The following COX7A2L variants were observed in gnomAD, a reference collection of about 807,000 sequenced individuals.
COX7A2L encodes the protein cytochrome c oxidase subunit 7A2-like, mitochondrial.
In COX7A2L, 18 loss-of-function variants were observed where a neutral mutation model predicts 14.2. That is an observed-to-expected ratio of 1.27 (90% CI 0.88 to 1.88). COX7A2L has a LOEUF of 1.88. COX7A2L is among the 40% of genes most tolerant of loss of function. COX7A2L has a pLI of 0.00. For synonymous variants in COX7A2L, 65 were observed against 57.4 expected (o/e 1.13, Z -0.60); for missense variants, 179 against 138.8 (o/e 1.29, Z -1.46).
upstream of COX7A2L, chr2:42,361,358 G>GA (rs1471188307): frequency 1.8e-6 from 1 of 560,948 alleles, no homozygotes; most frequent in East Asian, 3.2e-5. Context: ...TCAGGACCAC[G>GA]AAAGGCAAAA....
intron 2 of COX7A2L, among the ~76,000 whole-genome samples, chr2:42,343,814 G>A (rs1428913096): frequency 6.6e-6 from 1 of 152,210 alleles, no homozygotes; most frequent in Non-Finnish European, 1.5e-5. Flanking sequence ...AGGGGAGCCT[G>A]CCCAAAGCCA....
chr2:42,357,628 G>A (rs934511935), intron 1 of COX7A2L, among the ~76,000 whole-genome samples: 3 of 151,866 alleles, frequency 2.0e-5, no homozygotes, highest in Non-Finnish European at 4.4e-5. Flanking sequence ...TATTTCTAAC[G>A]GTAAGCTAGA....
chr2:42,348,261 A>G (rs1000016509), downstream of COX7A2L, among the ~76,000 whole-genome samples: 24 of 152,240 alleles, frequency 1.6e-4, no homozygotes, highest in African/African-American at 5.8e-4. Flanking sequence ...GTCAAGAATG[A>G]CCAATGAACA....
chr2:42,347,244 G>A (rs7558151), downstream of COX7A2L, among the ~76,000 whole-genome samples: 146 of 149,334 alleles, frequency 9.8e-4, 1 homozygote, highest in African/African-American at 3.4e-3. Context: ...AATATTTTAT[G>A]TAGACAAAGG....
intron 2 of COX7A2L, among the ~76,000 whole-genome samples, chr2:42,336,011 C>T (rs1458348183): frequency 6.6e-6 from 1 of 152,218 alleles, no homozygotes; most frequent in Non-Finnish European, 1.5e-5. Flanking sequence ...GCACAGAAGT[C>T]CTCAGTCCCT....
chr2:42,358,058 A>G (rs1044626322), intron 1 of COX7A2L, among the ~76,000 whole-genome samples: 6 of 152,188 alleles, frequency 3.9e-5, no homozygotes, highest in Non-Finnish European at 1.5e-5. Flanking sequence ...CTTTTTTAAC[A>G]AACTGCCAAA....
chr2:42,344,777 G>A (rs1328927526), downstream of COX7A2L, among the ~76,000 whole-genome samples: 1 of 152,022 alleles, frequency 6.6e-6, no homozygotes, highest in South Asian at 2.1e-4. Flanking sequence ...CGTGAACCCA[G>A]GAGGCGGAGC....
chr2:42,345,484 A>AAAAC (rs1553400725), downstream of COX7A2L, among the ~76,000 whole-genome samples: 1 of 151,794 alleles, frequency 6.6e-6, no homozygotes, highest in Non-Finnish European at 1.5e-5. Flanking sequence ...AAAAAAAAAA[A>AAAAC]CTGTCAGTCA....
intron 1 of COX7A2L, chr2:42,359,335 G>A (rs1477944951): frequency 6.6e-6 from 1 of 152,198 alleles, no homozygotes; most frequent in Non-Finnish European, 1.5e-5. Flanking sequence ...AAGGTGGCAG[G>A]GATTGACAGA....
upstream of COX7A2L, among the ~76,000 whole-genome samples, chr2:42,362,572 T>C (rs1293343740): frequency 6.6e-6 from 1 of 152,198 alleles, no homozygotes; most frequent in Admixed American, 6.5e-5. Flanking sequence ...CTTCCTACTG[T>C]TAAGCACTAT....
chr2:42,346,338 G>A (rs193173624), downstream of COX7A2L, among the ~76,000 whole-genome samples: 86 of 152,288 alleles, frequency 5.6e-4, no homozygotes, highest in African/African-American at 1.9e-3. Context: ...GCCCAGCTTC[G>A]CTCAGGTTCT....
chr2:42,339,002 C>T lies in COX7A2L; in HGVS notation c.193-5133G>A, dbSNP rs533204781. Among the ~76,000 whole-genome samples the T allele has an allele frequency of 6.6e-6, 1 of 152,318 alleles. No individual in the cohort carries two copies. Among genetic ancestry groups the T allele is most frequent in the South Asian group, 2.1e-4 (1 of 4,826 alleles). On this transcript the variant is annotated intron_variant, in intron 2 of 2. Transcript: ENST00000468711. This position sits in a 1 kb window ranked among gnomAD's most constrained non-coding sequence, Gnocchi z 5.4. The stretch of plus-strand genomic sequence containing the variant: ...GTCCCCTCTGATCACTGGCTGGAGC[C>T]TGCATCACAGTCACCCGTGTTTGCA...
At chr2:42,345,496 T>C (rs1670478811), downstream of COX7A2L, among the ~76,000 whole-genome samples, 1 of 152,110 alleles carries the variant, frequency 6.6e-6, no homozygotes, top group Admixed American at 6.5e-5. Flanking sequence ...TGTCAGTCAT[T>C]AGAGACACAC....
chr2:42,345,484 ACTGT>A (rs1670478582), downstream of COX7A2L, among the ~76,000 whole-genome samples: 1 of 151,794 alleles, frequency 6.6e-6, no homozygotes, highest in Non-Finnish European at 1.5e-5. Flanking sequence ...AAAAAAAAAA[ACTGT>A]CAGTCATTAG....
chr2:42,360,987 G>C (rs1671013779), intron 1 of COX7A2L, 103 bp downstream of exon 1: 4 of 1,252,548 alleles, frequency 3.2e-6, no homozygotes, highest in Non-Finnish European at 4.6e-6. Context: ...AGACGAACTC[G>C]ACCGCGGGCA....
intron 2 of COX7A2L, 22 bp downstream of exon 2, chr2:42,353,190 G>C: frequency 6.2e-7 from 1 of 1,611,126 alleles, no homozygotes; most frequent in Non-Finnish European, 8.5e-7. Context: ...AGGCTTTTCT[G>C]TTGTAGAGTA....
chr2:42,355,608 T>A (rs1175367885), intron 1 of COX7A2L, among the ~76,000 whole-genome samples: 2 of 151,304 alleles, frequency 1.3e-5, no homozygotes, highest in Non-Finnish European at 1.5e-5. Flanking sequence ...GAATTGAAGT[T>A]ACCTATAATC....
In COX7A2L at chr2:42,360,961, G is replaced by A. The variant is rs1388639987; in HGVS notation, c.72+129C>T. Reference sequence around the variant, plus strand: ...ACGCTGGTGTGGAGAGGCCCCGGGAGGTGCAAGGAGAACAGAGACGAACTC... The same window carrying A: ...ACGCTGGTGTGGAGAGGCCCCGGGAAGTGCAAGGAGAACAGAGACGAACTC... On this transcript the variant is annotated intron_variant, in intron 1 of 2. Transcript: ENST00000234301. 5 of 905,124 alleles carry A rather than the reference G, an allele frequency of 5.5e-6. No individual in the cohort carries two copies. In the East Asian group the frequency reaches 1.3e-4, roughly 24 times the overall value. 56.1% of individuals were successfully genotyped at this position (905,124 alleles called of 1,614,324 possible).
chr2:42,358,962 C>G (rs1167014947), intron 1 of COX7A2L: 1 of 151,944 alleles, frequency 6.6e-6, no homozygotes, highest in East Asian at 1.9e-4. Context: ...AAGAACCTGT[C>G]TCAAAAAATA....
Sources: allele counts gnomAD v4.1 joint callset (sites outside exome capture counted in the v4.1 genomes callset), GRCh38; gene constraint gnomAD v4.1.1; non-coding constraint Gnocchi (gnomAD v3.1); transcripts MANE v1.5; gene names NCBI Gene and HGNC (gene_info 2026-07-23, HGNC 2026-07-21).